The following VPS36 variants were observed in gnomAD, a reference collection of about 807,000 sequenced individuals.
The protein encoded by VPS36 is vacuolar protein-sorting-associated protein 36.
VPS36 carries 31 observed loss-of-function variants against 63.5 expected under a neutral mutation model. That is an observed-to-expected ratio of 0.49 (90% CI 0.37 to 0.66). The LOEUF is 0.66. VPS36 is among the 30% of genes least tolerant of loss of function. The probability of loss-of-function intolerance (pLI) is 0.00; values close to 1 mark genes in which losing one functional copy is unlikely to be tolerated. For missense variants in VPS36, 338 were observed against 463.7 expected, an observed-to-expected ratio of 0.73 and a Z score of 2.49; for synonymous variants, 138 against 157.2, an observed-to-expected ratio of 0.88 and a Z score of 0.91.
intron 6 of VPS36, among the ~76,000 whole-genome samples, chr13:52,428,287 A>G (rs1958123611): frequency 6.6e-6 from 1 of 152,190 alleles, no homozygotes; most frequent in South Asian, 2.1e-4. Context: ...ATGCATACAG[A>G]TGTTATTTTT....
At chr13:52,433,633 T>C (rs375252576) in intron 6 of VPS36, 29 bp downstream of exon 6, 52 of 1,547,708 alleles carry the variant, frequency 3.4e-5, no homozygotes, top group Non-Finnish European at 4.1e-5. Flanking sequence ...ATGGCTGGAA[T>C]AGATGGAGAG....
intron 6 of VPS36, among the ~76,000 whole-genome samples, chr13:52,427,902 C>T (rs549925765): frequency 1.3e-5 from 2 of 152,254 alleles, no homozygotes; most frequent in South Asian, 4.1e-4. Flanking sequence ...TAGGAAGTCT[C>T]TAAGAATCAA....
chr13:52,442,488 C>T (rs1958290480), intron 1 of VPS36, 43 bp from the exon 2 acceptor site: 2 of 1,537,164 alleles, frequency 1.3e-6, no homozygotes, highest in Non-Finnish European at 1.8e-6. Context: ...ACATATCACT[C>T]ATTGTGGTTC....
intron 2 of VPS36, among the ~76,000 whole-genome samples, chr13:52,441,192 G>A (rs1958272702): frequency 6.6e-6 from 1 of 152,100 alleles, no homozygotes; most frequent in African/African-American, 2.4e-5. Context: ...ATCAGACCTA[G>A]GAGACAAAAA....
At chr13:52,431,212 C>G (rs1958151445) in intron 6 of VPS36, among the ~76,000 whole-genome samples, 1 of 152,188 alleles carries the variant, frequency 6.6e-6, no homozygotes, top group Admixed American at 6.5e-5. Flanking sequence ...AGCGTAAACA[C>G]AGTGCACCTA....
intron 1 of VPS36, among the ~76,000 whole-genome samples, chr13:52,443,227 T>C (rs1958298890): frequency 6.6e-6 from 1 of 152,060 alleles, no homozygotes; most frequent in South Asian, 2.1e-4. Context: ...AAAAAAATCA[T>C]GAGATAATTT....
chr13:52,429,685 A>G (rs1958136376), intron 6 of VPS36, among the ~76,000 whole-genome samples: 2 of 152,246 alleles, frequency 1.3e-5, no homozygotes, highest in South Asian at 4.1e-4. Context: ...ATGCTTATGT[A>G]GAATCCTTTG....
intron 1 of VPS36, chr13:52,450,287 C>G: frequency 8.7e-7 from 1 of 1,154,672 alleles, no homozygotes; most frequent in East Asian, 4.3e-5. Flanking sequence ...GGGACCCGCG[C>G]TGGGGAGGCA....
chr13:52,417,242 A>C, intron 11 of VPS36, 101 bp from the exon 12 acceptor site: 1 of 926,664 alleles, frequency 1.1e-6, no homozygotes, highest in Non-Finnish European at 1.7e-6. Context: ...CCCAGATATG[A>C]GGGCAATATT....
intron 3 of VPS36, among the ~76,000 whole-genome samples, chr13:52,437,951 T>TA (rs1652647056): frequency 6.6e-6 from 1 of 150,398 alleles, no homozygotes; most frequent in Admixed American, 6.6e-5. Context: ...AATTATGAAA[T>TA]AAAAAAAGCA....
chr13:52,439,043 T>C (rs1193765688), intron 3 of VPS36, 55 bp downstream of exon 3: 8 of 1,538,752 alleles, frequency 5.2e-6, no homozygotes, highest in East Asian at 4.5e-5. Context: ...TCTTGGCCAA[T>C]AGCATAACAG....
chr13:52,425,570 AT>A (rs1371548665), intron 9 of VPS36, among the ~76,000 whole-genome samples: 1 of 152,170 alleles, frequency 6.6e-6, no homozygotes, highest in Non-Finnish European at 1.5e-5. Context: ...CCTGAATACT[AT>A]CAGACTAGAA....
chr13:52,428,003 T>C (rs1168719854), intron 6 of VPS36, among the ~76,000 whole-genome samples: 1 of 152,192 alleles, frequency 6.6e-6, no homozygotes, highest in Non-Finnish European at 1.5e-5. Context: ...TAAACAGGTA[T>C]TACTTAACTG....
rs753095007 is a variant in VPS36 at position 52,418,053 on chromosome 13, G to T, written c.844C>A (p.Leu282Ile). The T allele has an allele frequency of 6.2e-7, 1 of 1,610,320 alleles. No homozygotes were observed. The highest frequency in any genetic ancestry group is 8.5e-7 in the Non-Finnish European group (1 of 1,178,392). ...GCATTCACTAAATCTTCTGGTGAGA[G>T]CAACTAATAGGGAAAAAAAATCCAG... ...LVNRARGMELLSPEDLVNACK... is the reference protein window; with the variant it reads ...LVNRARGMELISPEDLVNACK... The change falls in exon 11 of 14, where the codon CTC becomes ATC. Residue 282 changes from leucine to isoleucine, a missense_variant. Transcript: ENST00000378060.
Position 52,413,082 on chromosome 13 carries a change from C to T in VPS36, c.*2748G>A, listed in dbSNP as rs1365768418. ...GAGCATGCTCAATTTTGTCCTTAGGCACGGTCTTTAAAACCTAACCACCTT... is the reference window on the plus strand; with the variant it reads ...GAGCATGCTCAATTTTGTCCTTAGGTACGGTCTTTAAAACCTAACCACCTT... On this transcript the variant is annotated 3_prime_UTR_variant, in exon 14 of 14. Coordinates refer to ENST00000378060, the MANE Select transcript of VPS36 (RefSeq NM_016075.4). The T allele has an allele frequency of 3.3e-5, 5 of 152,602 alleles. No individual in the cohort carries two copies. Among genetic ancestry groups the T allele is most frequent in the Admixed American group, 3.3e-4 (5 of 15,270 alleles). 9.5% of individuals were successfully genotyped at this position (152,602 alleles called of 1,614,324 possible).
At chr13:52,446,445 G>A (rs952382305) in intron 1 of VPS36, among the ~76,000 whole-genome samples, 4 of 152,162 alleles carry the variant, frequency 2.6e-5, no homozygotes, top group Non-Finnish European at 5.9e-5. Flanking sequence ...GCTGCTCTAA[G>A]TGAAGAAATT....
chr13:52,441,578 C>T (rs1030694341), intron 2 of VPS36, among the ~76,000 whole-genome samples: 1 of 152,138 alleles, frequency 6.6e-6, no homozygotes. Context: ...TGGCTAAACC[C>T]CGTCTCTACT....
chr13:52,447,955 G>A (rs572397224), intron 1 of VPS36, among the ~76,000 whole-genome samples: 16 of 152,208 alleles, frequency 1.1e-4, no homozygotes, highest in African/African-American at 2.9e-4. Flanking sequence ...ATCTCTTGGC[G>A]TTACTTTCTC....
At chr13:52,425,410 G>A (rs1958092615) in intron 9 of VPS36, among the ~76,000 whole-genome samples, 1 of 152,182 alleles carries the variant, frequency 6.6e-6, no homozygotes, top group African/African-American at 2.4e-5. Flanking sequence ...AAAGTGATGT[G>A]ATGTCTGGGA....
Sources: gnomAD v4.1 joint callset for allele counts (sites outside exome capture counted in the v4.1 genomes callset) on GRCh38, gnomAD v4.1.1 for gene constraint, MANE v1.5 for transcripts, NCBI Gene and HGNC (gene_info 2026-07-23, HGNC 2026-07-21) for gene names.